The following MTMR7 variants were observed in gnomAD, a reference collection of about 807,000 sequenced individuals.
MTMR7 encodes phosphatidylinositol-3-phosphate phosphatase MTMR7.
Under a neutral mutation model 81.2 loss-of-function variants are expected in MTMR7, and 76 were observed. The observed-to-expected ratio is 0.94, with a 90% confidence interval of 0.78 to 1.13. The LOEUF (loss-of-function observed/expected upper bound fraction) is 1.13, where lower values mean the gene tolerates loss of function less well. MTMR7 is among the 50% of genes most tolerant of loss of function. The probability of loss-of-function intolerance (pLI) is 0.00; values close to 1 mark genes in which losing one functional copy is unlikely to be tolerated. For missense variants in MTMR7, 1,044 were observed against 820.0 expected (o/e 1.27, Z -3.34); for synonymous variants, 372 against 289.8 (o/e 1.28, Z -2.88).
chr8:17,388,222 T>C (rs540952209), intron 1 of MTMR7, among the ~76,000 whole-genome samples: 3 of 152,300 alleles, frequency 2.0e-5, no homozygotes, highest in African/African-American at 7.2e-5. Context: ...ACATGCACTG[T>C]TGAACAAGAG....
At chr8:17,314,706 C>G (rs13256298) in intron 7 of MTMR7, among the ~76,000 whole-genome samples, 17,492 of 152,140 alleles carry the variant, frequency 0.11, 1,368 homozygotes, top group Non-Finnish European at 0.17. Context: ...AAACACCCAA[C>G]CTAAGAAAAA....
chr8:17,325,360 A>G (rs1486279077), intron 7 of MTMR7, among the ~76,000 whole-genome samples: 1 of 152,206 alleles, frequency 6.6e-6, no homozygotes, highest in African/African-American at 2.4e-5. Flanking sequence ...TCAATCCATC[A>G]GGCCTCAAAA....
intron 6 of MTMR7, among the ~76,000 whole-genome samples, chr8:17,339,537 G>C (rs1286059878): frequency 6.6e-6 from 1 of 152,158 alleles, no homozygotes; most frequent in Non-Finnish European, 1.5e-5. Flanking sequence ...CTTCCTCTTA[G>C]TATGACACTT....
chr8:17,410,350 A>G (rs1428456570), intron 1 of MTMR7, among the ~76,000 whole-genome samples: 1 of 152,228 alleles, frequency 6.6e-6, no homozygotes, highest in Non-Finnish European at 1.5e-5. Flanking sequence ...ATTTGCCTCA[A>G]TCTAGTACCA....
In MTMR7 at chr8:17,299,740, C is replaced by G; in HGVS notation, c.*122G>C. 1.5e-6 allele frequency: 2 copies of G among 1,376,844 alleles called. No individual in the cohort carries two copies. Among genetic ancestry groups the G allele is most frequent in the Middle Eastern group, 2.3e-4 (1 of 4,434 alleles). The allele number at this position is 1,376,844 out of a possible 1,614,324, so 85.3% of individuals were successfully genotyped here. Reference sequence around the variant, plus strand: ...TGGGCACTTTTTTCCCTTTTCATAGCTGCATTAAAGTAGTTCTCAATGACA... The same window carrying G: ...TGGGCACTTTTTTCCCTTTTCATAGGTGCATTAAAGTAGTTCTCAATGACA... On this transcript the variant is annotated 3_prime_UTR_variant, in exon 14 of 14. Coordinates refer to ENST00000180173, the MANE Select transcript of MTMR7 (RefSeq NM_004686.5).
chr8:17,331,575 C>G (rs1203427303), intron 6 of MTMR7, among the ~76,000 whole-genome samples: 2 of 152,160 alleles, frequency 1.3e-5, no homozygotes, highest in Non-Finnish European at 2.9e-5. Context: ...TCAGAGATGC[C>G]AAACTGAATG....
At chr8:17,353,476 A>C (rs1034948817) in intron 4 of MTMR7, among the ~76,000 whole-genome samples, 1 of 152,236 alleles carries the variant, frequency 6.6e-6, no homozygotes, top group African/African-American at 2.4e-5. Flanking sequence ...AAGGGAAAAC[A>C]ATCTTAGCAT....
intron 1 of MTMR7, among the ~76,000 whole-genome samples, chr8:17,396,746 G>GGGT (rs958206361): frequency 4.6e-5 from 7 of 152,012 alleles, no homozygotes; most frequent in Non-Finnish European, 8.8e-5. Flanking sequence ...ACACAAGCTG[G>GGGT]GGTGGCTAAG....
In MTMR7 at chr8:17,305,948, A is replaced by T. The variant is rs759688916; in HGVS notation, c.1161T>A (p.Asn387Lys). Residue 387 changes from asparagine to lysine, a missense_variant, in exon 11 of 14, where the codon AAT becomes AAA. Asn to Lys is a moderately conservative substitution (Grantham distance 94). Transcript: ENST00000180173. The stretch of plus-strand genomic sequence containing the variant: ...AGATTTCTTTTGGGTCACCATCTAG[A>T]TTGCCATATCTATAAAACAAAGCAT... ...FGHKFNHRYG[N>K]LDGDPKEISP... The T allele has an allele frequency of 6.2e-7, 1 of 1,612,740 alleles. No homozygotes were observed. Among genetic ancestry groups the T allele is most frequent in the South Asian group, 1.1e-5 (1 of 91,010 alleles).
At chr8:17,371,016 T>C in intron 3 of MTMR7, 21 bp downstream of exon 3, 1 of 1,601,042 alleles carries the variant, frequency 6.2e-7, no homozygotes, top group Non-Finnish European at 8.5e-7. Context: ...CCATATTAAA[T>C]GCCGAGTTCC....
At chr8:17,308,142 C>CA (rs1817582580) in intron 10 of MTMR7, among the ~76,000 whole-genome samples, 1 of 151,564 alleles carries the variant, frequency 6.6e-6, no homozygotes, top group Admixed American at 6.6e-5. Context: ...TTTATGGCTT[C>CA]AGAATTATTT....
intron 10 of MTMR7, among the ~76,000 whole-genome samples, chr8:17,308,567 A>C (rs1331057548): frequency 6.6e-6 from 1 of 152,228 alleles, no homozygotes; most frequent in Non-Finnish European, 1.5e-5. Flanking sequence ...AAACTAATGA[A>C]ACTTGCTGCC....
In MTMR7 at chr8:17,408,395, C is replaced by CAAAAAAAAAAAAA. The variant is rs530240881; in HGVS notation, c.24+4861_24+4873dup. ...TGGGCGACAGAGCGAGACTCCGTCT[C>CAAAAAAAAAAAAA]AAAAAAAAAAAAAAAAAAAAAAAGA... On this transcript the variant is annotated intron_variant, in intron 1 of 13. Coordinates refer to ENST00000180173, the MANE Select transcript of MTMR7 (RefSeq NM_004686.5). 1.5e-3 allele frequency among the ~76,000 whole-genome samples: 36 copies of CAAAAAAAAAAAAA among 23,496 alleles called. 1 individual carries two copies. Among genetic ancestry groups the CAAAAAAAAAAAAA allele is most frequent in the East Asian group, 0.014 (7 of 498 alleles). 15.4% of individuals were successfully genotyped at this position (23,496 alleles called of 152,430 possible).
intron 7 of MTMR7, among the ~76,000 whole-genome samples, chr8:17,327,293 G>A (rs1366410162): frequency 6.6e-6 from 1 of 152,064 alleles, no homozygotes; most frequent in Admixed American, 6.6e-5. Context: ...TTTTGAGACA[G>A]AGCCTAACTC....
intron 4 of MTMR7, among the ~76,000 whole-genome samples, chr8:17,353,356 A>G (rs1291942899): frequency 1.3e-5 from 2 of 152,196 alleles, no homozygotes; most frequent in Admixed American, 6.5e-5. Context: ...CCAGAGATCT[A>G]TTATAGTACA....
chr8:17,407,894 G>C (rs1287717107), intron 1 of MTMR7, among the ~76,000 whole-genome samples: 2 of 152,198 alleles, frequency 1.3e-5, no homozygotes, highest in Non-Finnish European at 2.9e-5. Context: ...GAATGATCAA[G>C]AGAAGGCAAA....
chr8:17,340,775 T>C (rs1262730655), intron 6 of MTMR7, among the ~76,000 whole-genome samples: 1 of 152,224 alleles, frequency 6.6e-6, no homozygotes, highest in African/African-American at 2.4e-5. Context: ...GAAAGCCCTC[T>C]ACGTCCGCAA....
In MTMR7 at chr8:17,296,922, CA is replaced by C. The variant is rs1816693655; in HGVS notation, c.*2939del. On this transcript the variant is annotated 3_prime_UTR_variant, in exon 14 of 14. Coordinates refer to ENST00000180173, the MANE Select transcript of MTMR7 (RefSeq NM_004686.5). The stretch of plus-strand genomic sequence containing the variant: ...AGTGTGATCAGTTATCTGCATTTAA[CA>C]AATAGACAAATCAGTTTACATAAAG... The C allele has an allele frequency of 1.3e-5, 2 of 152,064 alleles. No homozygotes were observed. The highest frequency in any genetic ancestry group is 1.3e-4 in the Admixed American group (2 of 15,264). The allele number at this position is 152,064 out of a possible 1,614,324, so 9.4% of individuals were successfully genotyped here.
At chr8:17,350,492 G>T (rs1186107024) in intron 4 of MTMR7, among the ~76,000 whole-genome samples, 2 of 152,142 alleles carry the variant, frequency 1.3e-5, no homozygotes, top group Non-Finnish European at 2.9e-5. Context: ...AACACCATGG[G>T]AAAGACCAGC....
Sources: gnomAD v4.1 joint callset for allele counts (sites outside exome capture counted in the v4.1 genomes callset) on GRCh38, gnomAD v4.1.1 for gene constraint, MANE v1.5 for transcripts, NCBI Gene and HGNC (gene_info 2026-07-23, HGNC 2026-07-21) for gene names.